ANKRD26: variants seen among roughly 807,000 people sequenced by gnomAD.
ANKRD26 encodes ankyrin repeat domain 26.
In ANKRD26, 141 loss-of-function variants were observed where a neutral mutation model predicts 208.7. That is an observed-to-expected ratio of 0.68 (90% CI 0.59 to 0.78). ANKRD26 has a LOEUF of 0.78. Among genes scored for constraint, ANKRD26 ranks in the 30% least tolerant of loss-of-function variants. The probability of loss-of-function intolerance (pLI) is 0.00; values close to 1 mark genes in which losing one functional copy is unlikely to be tolerated. For synonymous variants in ANKRD26, 636 were observed against 660.4 expected, an observed-to-expected ratio of 0.96 and a Z score of 0.57; for missense variants, 1,889 against 1,938.7, an observed-to-expected ratio of 0.97 and a Z score of 0.48.
At chr10:26,962,218 C>G in the ANKRD26 span, among the ~76,000 whole-genome samples, 1 of 151,980 alleles carries the variant, frequency 6.6e-6, no homozygotes, top group African/African-American at 2.4e-5. Flanking sequence ...TCTCTTGAGC[C>G]CAGGAGCTTG....
intron 32 of ANKRD26, among the ~76,000 whole-genome samples, chr10:27,008,295 G>A (rs1388775867): frequency 6.6e-6 from 1 of 151,884 alleles, no homozygotes; most frequent in Non-Finnish European, 1.5e-5. Flanking sequence ...TATTTTGTAA[G>A]ACTGTTTTCC....
At chr10:27,028,745 C>G in intron 27 of ANKRD26, 107 bp downstream of exon 27, 1 of 933,088 alleles carries the variant, frequency 1.1e-6, no homozygotes, top group Non-Finnish European at 1.7e-6. Context: ...AATCCAAAAT[C>G]TGAAACACTT....
Position 27,061,133 on chromosome 10 carries a change from T to G in ANKRD26, c.1462+11A>C. 6.3e-7 allele frequency: 1 copy of G among 1,578,074 alleles called. No individual in the cohort carries two copies. The highest frequency in any genetic ancestry group is 8.7e-7 in the Non-Finnish European group (1 of 1,147,688). On this transcript the variant is annotated intron_variant, in intron 13 of 33. Transcript: ENST00000376087. ...TAACAGTTAACAAAAATACGCATTT[T>G]TTTTCCATACCCATGTGGGCTACTG... is the stretch of plus-strand genomic sequence containing the variant.
At chr10:26,973,492 G>C (rs2052178854), downstream of ANKRD26, among the ~76,000 whole-genome samples, 1 of 148,044 alleles carries the variant, frequency 6.8e-6, no homozygotes, top group Admixed American at 6.7e-5. Flanking sequence ...TGTTTTTCTG[G>C]TTCAGGTGTA....
At position 27,061,217 on chromosome 10, in the gene ANKRD26, C is replaced by T; in HGVS notation, c.1389G>A (p.Met463Ile). ...AEDVFYIPSC[M>I]SGSRNFKMAK... ...CCATCTTAAAGTTTCTTGATCCACT[C>T]ATGCAAGAAGGTATATAAAACACAT... Residue 463 changes from methionine (M) to isoleucine (I), a missense_variant, in exon 13 of 34, where the codon ATG becomes ATA. Physicochemically the swap from Met to Ile is conservative, Grantham distance 10 (BLOSUM62 1). Around this residue, in one of 3 missense-constraint regions of ANKRD26, gnomAD observed 1,272 missense variants for 1,273.8 expected, o/e 1.00. Transcript: ENST00000376087. 6.2e-7 allele frequency: 1 copy of T among 1,608,754 alleles called. No individual in the cohort carries two copies. Among genetic ancestry groups the T allele is most frequent in the Non-Finnish European group, 8.5e-7 (1 of 1,175,716 alleles).
chr10:27,020,973 C>A (rs1489770882), intron 29 of ANKRD26, among the ~76,000 whole-genome samples: 1 of 143,690 alleles, frequency 7.0e-6, no homozygotes, highest in Non-Finnish European at 1.5e-5. Context: ...CAAATCTTTT[C>A]CTTTAAAAAA....
At chr10:26,996,882 G>C (rs781663709) in intron 4 of ANKRD26, among the ~76,000 whole-genome samples, 1 of 152,034 alleles carries the variant, frequency 6.6e-6, no homozygotes, top group South Asian at 2.1e-4. Flanking sequence ...TCTCTTCTCC[G>C]CTAATGTTTC....
the ANKRD26 span, among the ~76,000 whole-genome samples, chr10:26,963,929 T>TTTTTTTTTTTTTAG: frequency 7.0e-6 from 1 of 142,178 alleles, no homozygotes; most frequent in East Asian, 2.1e-4. Flanking sequence ...TTTTTTTTTT[T>TTTTTTTTTTTTTAG]GAGACAGGAT....
At chr10:27,085,764 C>T (rs1158855073) in intron 5 of ANKRD26, among the ~76,000 whole-genome samples, 1 of 152,114 alleles carries the variant, frequency 6.6e-6, no homozygotes, top group Non-Finnish European at 1.5e-5. Context: ...GGATTTTCTT[C>T]ATCTCTGCCA....
At chr10:27,005,867 T>C (rs1003626164) in intron 33 of ANKRD26, 144 bp from the exon 34 acceptor site, 3 of 1,045,814 alleles carry the variant, frequency 2.9e-6, no homozygotes, top group African/African-American at 1.6e-5. Context: ...AATATTACTA[T>C]TAAATATAAT....
chr10:27,079,244 A>G, intron 6 of ANKRD26, 83 bp from the exon 7 acceptor site: 1 of 1,203,794 alleles, frequency 8.3e-7, no homozygotes, highest in Non-Finnish European at 1.2e-6. Context: ...TTCAATCTGG[A>G]TGCCCCCTCC....
chr10:26,977,934 A>AAAC (rs976743528), intron 5 of ANKRD26, among the ~76,000 whole-genome samples: 1 of 152,102 alleles, frequency 6.6e-6, no homozygotes. Flanking sequence ...AAAACAAAAC[A>AAAC]AACAACAACA....
downstream of ANKRD26, among the ~76,000 whole-genome samples, chr10:27,000,731 C>T (rs947876400): frequency 2.0e-5 from 3 of 152,122 alleles, no homozygotes; most frequent in African/African-American, 4.8e-5. Flanking sequence ...AGGCCAGGCA[C>T]GGTGGCTCAC....
At chr10:27,001,999 T>C (rs1383934663), downstream of ANKRD26, among the ~76,000 whole-genome samples, 2 of 151,926 alleles carry the variant, frequency 1.3e-5, no homozygotes, top group African/African-American at 2.4e-5. Context: ...TCCTGAAAAG[T>C]AGATGGGATA....
intron 29 of ANKRD26, among the ~76,000 whole-genome samples, chr10:27,020,025 G>A (rs185058466): frequency 1.3e-5 from 2 of 152,282 alleles, no homozygotes; most frequent in East Asian, 3.9e-4. Context: ...GGGTTCCAAC[G>A]GCAAGGAGTC....
chr10:27,087,899 GCC>G (rs1454392716), intron 4 of ANKRD26, among the ~76,000 whole-genome samples: 6 of 152,132 alleles, frequency 3.9e-5, no homozygotes, highest in Non-Finnish European at 7.4e-5. Flanking sequence ...TCCTGCCTCA[GCC>G]CCACGAGTAG....
At chr10:27,069,480 G>A (rs1396335295) in intron 9 of ANKRD26, among the ~76,000 whole-genome samples, 1 of 151,970 alleles carries the variant, frequency 6.6e-6, no homozygotes, top group African/African-American at 2.4e-5. Context: ...GGTTTTTGGT[G>A]GTTTTTTTTT....
chr10:27,030,390 T>C, intron 25 of ANKRD26: 2 of 985,398 alleles, frequency 2.0e-6, no homozygotes, highest in Non-Finnish European at 2.4e-6. Flanking sequence ...ATACATAACT[T>C]ACATGGCCAT....
chr10:27,017,466 GTGAAA>G, intron 30 of ANKRD26, 31 bp downstream of exon 30: 2 of 1,606,812 alleles, frequency 1.2e-6, no homozygotes, highest in Non-Finnish European at 1.7e-6. Flanking sequence ...ACAATTTGCA[GTGAAA>G]TGAACAAAGG....
Sources: gnomAD v4.1 joint callset for allele counts (sites outside exome capture counted in the v4.1 genomes callset) on GRCh38, gnomAD v4.1.1 for gene constraint, gnomAD v4.1.1 regional missense constraint, MANE v1.5 for transcripts, NCBI Gene and HGNC (gene_info 2026-07-23, HGNC 2026-07-21) for gene names.